The following KAT6B variants were observed in gnomAD, a reference collection of about 807,000 sequenced individuals.
KAT6B encodes the protein histone acetyltransferase KAT6B.
A neutral mutation model predicts 187.5 loss-of-function variants in KAT6B; 10 were observed. That is an observed-to-expected ratio of 0.05 (90% CI 0.03 to 0.09). The LOEUF is 0.09. Among genes scored for constraint, KAT6B ranks in the 10% least tolerant of loss-of-function variants. The probability of loss-of-function intolerance (pLI) is 1.00; values close to 1 mark genes in which losing one functional copy is unlikely to be tolerated. For synonymous variants in KAT6B, 861 were observed against 926.8 expected (o/e 0.93, Z 1.29); for missense variants, 1,952 against 2,558.9 (o/e 0.76, Z 5.12).
chr10:74,997,167 G>T (rs1473910857), intron 13 of KAT6B, among the ~76,000 whole-genome samples: 1 of 151,852 alleles, frequency 6.6e-6, no homozygotes, highest in East Asian at 1.9e-4. Flanking sequence ...TTCAACACCA[G>T]CCTGGGCAAC....
intron 3 of KAT6B, among the ~76,000 whole-genome samples, chr10:74,854,840 A>G (rs1433976014): frequency 3.3e-5 from 5 of 152,174 alleles, no homozygotes; most frequent in Admixed American, 6.5e-5. Flanking sequence ...GTACACAGAA[A>G]CCATGCTGGG....
rs572316747 is a variant in KAT6B at position 74,908,098 on chromosome 10, C to G, written c.622-51872C>G. Among the ~76,000 whole-genome samples, 9 of 152,082 alleles carry G rather than the reference C, an allele frequency of 5.9e-5. No homozygotes were observed. The East Asian group carries it at 1.7e-3, about 30-fold the overall frequency. On this transcript the variant is annotated intron_variant, in intron 3 of 17. Transcript: ENST00000287239. ...CTGATGGGTTATCATGGGAGTGGACCTGGTGGCTTTATAAGAAGAGTATGA... is the reference window on the plus strand; with the variant it reads ...CTGATGGGTTATCATGGGAGTGGACGTGGTGGCTTTATAAGAAGAGTATGA...
intron 1 of KAT6B, among the ~76,000 whole-genome samples, chr10:74,827,880 C>T (rs1319019633): frequency 6.6e-6 from 1 of 151,998 alleles, no homozygotes; most frequent in Non-Finnish European, 1.5e-5. Context: ...AGGCTGGTCT[C>T]GAACTCCTGG....
At chr10:74,947,372 A>G (rs531672373) in intron 3 of KAT6B, among the ~76,000 whole-genome samples, 1 of 152,356 alleles carries the variant, frequency 6.6e-6, no homozygotes, top group African/African-American at 2.4e-5. Flanking sequence ...AACATTTAAA[A>G]TGTGTATTTC....
chr10:74,834,566 T>G (rs1222530504), intron 1 of KAT6B, among the ~76,000 whole-genome samples: 1 of 152,190 alleles, frequency 6.6e-6, no homozygotes, highest in Non-Finnish European at 1.5e-5. Flanking sequence ...TTGCCTAGGC[T>G]GGAGAGCAGT....
Position 75,021,966 on chromosome 10 carries a change from C to G in KAT6B, c.3107C>G (p.Pro1036Arg). 2 of 1,614,170 alleles carry G rather than the reference C, an allele frequency of 1.2e-6. No homozygotes were observed. The highest frequency in any genetic ancestry group is 1.7e-6 in the Non-Finnish European group (2 of 1,180,030). ...ACTAGAGCTAACAGTAGGCAATCAC[C>G]TGCAAAAGTACAATCGAAAAATAAA... is the stretch of plus-strand genomic sequence containing the variant. ...LSTRANSRQS[P>R]AKVQSKNKYL... Residue 1036 changes from proline to arginine, a missense_variant, in exon 16 of 18, where the codon CCT (proline) becomes CGT (arginine). Coordinates refer to ENST00000287239, the MANE Select transcript of KAT6B (RefSeq NM_012330.4).
In KAT6B at chr10:74,876,585, T is replaced by G. The variant is rs1434180423; in HGVS notation, c.621+33107T>G. On this transcript the variant is annotated intron_variant, in intron 3 of 17. Transcript: ENST00000287239. ...AGAAAAATAATGAAGAGCTGAGGTT[T>G]TGTATGTTAATGTGGGCAGTCTAAT... Among the ~76,000 whole-genome samples the G allele has an allele frequency of 5.9e-5, 9 of 152,072 alleles. No homozygotes were observed. In the East Asian group the frequency reaches 1.7e-3, roughly 29 times the overall value.
chr10:74,847,428 C>T (rs1455478458), intron 3 of KAT6B, among the ~76,000 whole-genome samples: 3 of 151,868 alleles, frequency 2.0e-5, no homozygotes, highest in South Asian at 2.1e-4. Flanking sequence ...TTTGGGAGGC[C>T]GAGGTGGGTG....
intron 3 of KAT6B, among the ~76,000 whole-genome samples, chr10:74,915,559 T>A (rs1035638715): frequency 3.9e-5 from 6 of 152,226 alleles, no homozygotes; most frequent in Admixed American, 3.9e-4. Flanking sequence ...ATTAGTATTG[T>A]CTCATTGTAA....
chr10:74,955,204 G>C (rs185601426), intron 3 of KAT6B, among the ~76,000 whole-genome samples: 1 of 152,208 alleles, frequency 6.6e-6, no homozygotes, highest in African/African-American at 2.4e-5. Context: ...TTGTCTAGGG[G>C]ATAATGAGAA....
chr10:74,989,122 G>A lies in KAT6B; in HGVS notation c.2629+10G>A. The A allele has an allele frequency of 6.3e-7, 1 of 1,587,598 alleles. No individual in the cohort carries two copies. Among genetic ancestry groups the A allele is most frequent in the Non-Finnish European group, 8.7e-7 (1 of 1,155,726 alleles). ...TTTCTCATTGATTTCAGTAAGTGAAGTACTTTATTTACTTTCATGATCCAG... is the reference window on the plus strand; with the variant it reads ...TTTCTCATTGATTTCAGTAAGTGAAATACTTTATTTACTTTCATGATCCAG... On this transcript the variant is annotated intron_variant, in intron 13 of 17. Transcript: ENST00000287239.
chr10:74,848,171 A>C (rs1842238855), intron 3 of KAT6B, among the ~76,000 whole-genome samples: 2 of 151,990 alleles, frequency 1.3e-5, no homozygotes, highest in Non-Finnish European at 2.9e-5. Context: ...CACCCACCTC[A>C]GCCTCCCAAA....
chr10:74,939,646 G>A (rs1430431105), intron 3 of KAT6B, among the ~76,000 whole-genome samples: 2 of 152,220 alleles, frequency 1.3e-5, no homozygotes, highest in Admixed American at 6.5e-5. Context: ...TGATTCGCCC[G>A]CCTCGGCCTC....
At position 75,022,101 on chromosome 10, in the gene KAT6B, AAGAAGAGGAG is replaced by A; in HGVS notation, c.3243_3252del (p.Glu1082LysfsTer29). 6.3e-7 allele frequency: 1 copy of A among 1,583,376 alleles called. No individual in the cohort carries two copies. Among genetic ancestry groups the A allele is most frequent in the East Asian group, 2.3e-5 (1 of 43,894 alleles). On this transcript the variant is annotated frameshift_variant, in exon 16 of 18. Coordinates refer to ENST00000287239, the MANE Select transcript of KAT6B (RefSeq NM_012330.4). LOFTEE classifies it high-confidence loss of function. ...GAGGAGGAGGAGGACGAGGAGGAGG[AAGAAGAGGAG>A]GAAGAAGAGGAAGAGGATGAAGAGG...
In KAT6B at chr10:74,902,225, G is replaced by A. The variant is rs114637129; in HGVS notation, c.622-57745G>A. Among the ~76,000 whole-genome samples the A allele has an allele frequency of 8.2e-3, 1,252 of 152,238 alleles. 26 individuals are homozygous for A. The highest frequency in any genetic ancestry group is 0.025 in the African/African-American group (1,038 of 41,518). ...GGCTCTTGGTAGTTTCAGCTCTCTT[G>A]TATCCTTTCAGCTCTAAGTCTTGCT... On this transcript the variant is annotated intron_variant, in intron 3 of 17. Coordinates refer to ENST00000287239, the MANE Select transcript of KAT6B (RefSeq NM_012330.4).
intron 16 of KAT6B, chr10:75,023,566 C>G (rs1391753367): frequency 6.6e-6 from 1 of 152,294 alleles, no homozygotes; most frequent in African/African-American, 2.4e-5. Flanking sequence ...CTTGGCTTCC[C>G]TCATATTAGG....
intron 1 of KAT6B, among the ~76,000 whole-genome samples, chr10:74,831,105 T>C (rs889216330): frequency 2.6e-5 from 4 of 152,098 alleles, no homozygotes; most frequent in Admixed American, 6.6e-5. Flanking sequence ...TCATATACTT[T>C]TTTAGCCATT....
chr10:74,900,666 C>T (rs906661795), intron 3 of KAT6B, among the ~76,000 whole-genome samples: 2 of 152,196 alleles, frequency 1.3e-5, no homozygotes, highest in African/African-American at 4.8e-5. Flanking sequence ...TGACAACTGT[C>T]AAGGACTAGC....
intron 3 of KAT6B, among the ~76,000 whole-genome samples, chr10:74,924,461 G>A (rs1176386989): frequency 2.0e-5 from 3 of 152,216 alleles, no homozygotes; most frequent in African/African-American, 7.2e-5. Context: ...ATCAACGGGA[G>A]TGGTGTATCC....
Sources: allele counts gnomAD v4.1 joint callset (sites outside exome capture counted in the v4.1 genomes callset), GRCh38; gene constraint gnomAD v4.1.1; transcripts MANE v1.5; gene names NCBI Gene and HGNC (gene_info 2026-07-23, HGNC 2026-07-21).